The following HMGB1 variants were observed in gnomAD, a reference collection of about 807,000 sequenced individuals.
HMGB1 encodes the protein high mobility group protein B1.
For missense variants in HMGB1, 79 were observed against 253.5 expected (o/e 0.31, Z 4.67); for synonymous variants, 81 against 84.0 (o/e 0.96, Z 0.19).
rs1491526825 is a variant in HMGB1 at position 30,538,500 on chromosome 13, TTC to T, written c.-14-74808_-14-74807del. ...TTTCTTTCTTTCTTTCTTTCTTTCTTTCTTTCTTTCCTTTCTTTCTTTCCTTT... is the reference window on the plus strand; with the variant it reads ...TTTCTTTCTTTCTTTCTTTCTTTCTTTTTCTTTCCTTTCTTTCTTTCCTTT... On this transcript the variant is annotated intron_variant, in intron 1 of 4. Coordinates refer to the HMGB1 transcript ENST00000405805. Among the ~76,000 whole-genome samples the T allele has an allele frequency of 5.8e-5, 8 of 137,744 alleles. 1 individual carries two copies. Among genetic ancestry groups the T allele is most frequent in the African/African-American group, 2.6e-4 (8 of 30,782 alleles). The allele number at this position is 137,744 out of a possible 152,430, so 90.4% of individuals were successfully genotyped here.
intron 1 of HMGB1, among the ~76,000 whole-genome samples, chr13:30,517,398 C>T (rs1888124754): frequency 6.6e-6 from 1 of 152,206 alleles, no homozygotes; most frequent in African/African-American, 2.4e-5. Flanking sequence ...GTACCAATTT[C>T]TCAGAGCCTT....
intron 1 of HMGB1, chr13:30,464,606 A>T: frequency 6.1e-6 from 6 of 983,690 alleles, no homozygotes; most frequent in Non-Finnish European, 7.2e-6. Flanking sequence ...CCATTTTGTC[A>T]GGCTCGGCGC....
chr13:30,576,454 C>T (rs909256565), intron 1 of HMGB1, among the ~76,000 whole-genome samples: 1 of 152,002 alleles, frequency 6.6e-6, no homozygotes, highest in Non-Finnish European at 1.5e-5. Context: ...ACAAAGAGGC[C>T]GCAGAATGTG....
chr13:30,591,317 C>T (rs1273705383), intron 1 of HMGB1, among the ~76,000 whole-genome samples: 2 of 152,032 alleles, frequency 1.3e-5, no homozygotes, highest in East Asian at 3.9e-4. Flanking sequence ...CAGGTGTGAA[C>T]CATCGCGCCT....
intron 1 of HMGB1, among the ~76,000 whole-genome samples, chr13:30,587,807 G>A (rs1871216091): frequency 2.6e-5 from 4 of 152,124 alleles, no homozygotes. Flanking sequence ...CTTTTATCTT[G>A]AAGAGTCTGG....
intron 1 of HMGB1, chr13:30,553,746 C>T (rs1593308488): frequency 5.9e-6 from 8 of 1,362,200 alleles, no homozygotes; most frequent in Middle Eastern, 2.1e-4. Flanking sequence ...CTTGGAAATT[C>T]GAAATGAGTC....
chr13:30,490,822 T>G (rs115797524), intron 1 of HMGB1, among the ~76,000 whole-genome samples: 169 of 152,028 alleles, frequency 1.1e-3, no homozygotes, highest in African/African-American at 3.9e-3. Context: ...AACTTGATGT[T>G]GGTAGGTAGG....
upstream of HMGB1, among the ~76,000 whole-genome samples, chr13:30,468,275 G>C (rs1886844221): frequency 6.6e-6 from 1 of 152,164 alleles, no homozygotes. Context: ...TGTTGTTTGA[G>C]ACAGAGTTTT....
intron 1 of HMGB1, chr13:30,464,514 G>C (rs1056130): frequency 1.3e-5 from 13 of 978,664 alleles, no homozygotes; most frequent in Non-Finnish European, 1.4e-5. Context: ...CGCGGCCGAG[G>C]AGAGAGGACG....
chr13:30,514,790 A>G (rs1281712379), intron 1 of HMGB1, among the ~76,000 whole-genome samples: 1 of 152,144 alleles, frequency 6.6e-6, no homozygotes, highest in African/African-American at 2.4e-5. Context: ...GGTGTGTGTC[A>G]CAATGCCTAA....
chr13:30,517,187 C>A (rs1391462698), intron 1 of HMGB1, among the ~76,000 whole-genome samples: 3 of 152,128 alleles, frequency 2.0e-5, no homozygotes, highest in Non-Finnish European at 4.4e-5. Context: ...GGTTGCTGGC[C>A]CCTGCCACCA....
At chr13:30,533,443 C>T (rs1009253122) in intron 1 of HMGB1, among the ~76,000 whole-genome samples, 1 of 152,210 alleles carries the variant, frequency 6.6e-6, no homozygotes, top group South Asian at 2.1e-4. Context: ...TGGGTCATTG[C>T]AACCTTCACC....
At chr13:30,506,055 C>T (rs563706527) in intron 1 of HMGB1, among the ~76,000 whole-genome samples, 1 of 152,252 alleles carries the variant, frequency 6.6e-6, no homozygotes, top group African/African-American at 2.4e-5. Context: ...GAGAAGAAAA[C>T]AGTCCCCACA....
intron 1 of HMGB1, among the ~76,000 whole-genome samples, chr13:30,472,470 G>A (rs1433901148): frequency 1.3e-5 from 2 of 152,052 alleles, no homozygotes; most frequent in African/African-American, 4.8e-5. Flanking sequence ...GCATGGTGGC[G>A]CACACCTGTA....
At chr13:30,514,566 C>T (rs1245528939) in intron 1 of HMGB1, among the ~76,000 whole-genome samples, 1 of 152,032 alleles carries the variant, frequency 6.6e-6, no homozygotes, top group African/African-American at 2.4e-5. Flanking sequence ...GACTGCAGCA[C>T]TGATTGTAGT....
chr13:30,575,991 T>G (rs995514094), intron 1 of HMGB1, among the ~76,000 whole-genome samples: 2 of 152,162 alleles, frequency 1.3e-5, no homozygotes, highest in Non-Finnish European at 2.9e-5. Context: ...AAGGACAGAA[T>G]CCCTGTCTCT....
At chr13:30,482,189 T>C (rs1198355525) in intron 1 of HMGB1, among the ~76,000 whole-genome samples, 2 of 152,208 alleles carry the variant, frequency 1.3e-5, no homozygotes, top group Non-Finnish European at 2.9e-5. Flanking sequence ...AGGTACTCTT[T>C]CAGGCAACAT....
chr13:30,580,797 C>G (rs1328515748), intron 1 of HMGB1, among the ~76,000 whole-genome samples: 2 of 152,176 alleles, frequency 1.3e-5, no homozygotes, highest in African/African-American at 2.4e-5. Flanking sequence ...AAAGATAAGC[C>G]TTTCTGAGAA....
chr13:30,498,626 A>AATTATTATT (rs71192659), intron 1 of HMGB1, among the ~76,000 whole-genome samples: 3,408 of 143,936 alleles, frequency 0.024, 48 homozygotes, highest in African/African-American at 0.034. Context: ...GGAATCAGCA[A>AATTATTATT]ATTATTATTA....
Sources: gnomAD v4.1 joint callset for allele counts (sites outside exome capture counted in the v4.1 genomes callset) on GRCh38, gnomAD v4.1.1 for gene constraint, MANE v1.5 for transcripts, NCBI Gene and HGNC (gene_info 2026-07-23, HGNC 2026-07-21) for gene names.